Variants in TPTE observed in about 807,000 individuals in gnomAD.
TPTE encodes putative tyrosine-protein phosphatase TPTE.
Under a neutral mutation model 84.1 loss-of-function variants are expected in TPTE, and 59 were observed. The observed-to-expected ratio is 0.70, with a 90% CI of 0.57 to 0.87. The LOEUF is 0.87. Among genes scored for constraint, TPTE ranks in the 40% least tolerant of loss-of-function variants. The pLI is 0.00. For synonymous variants in TPTE, 130 were observed against 223.5 expected (o/e 0.58, Z 3.73); for missense variants, 382 against 659.6 (o/e 0.58, Z 4.61).
At chr21:10,556,081 T>C (rs1049152963) in intron 8 of TPTE, among the ~76,000 whole-genome samples, 2 of 152,300 alleles carry the variant, frequency 1.3e-5, no homozygotes, top group Non-Finnish European at 2.9e-5. Flanking sequence ...CTAGGGTGCA[T>C]GTGCACAATG....
intron 7 of TPTE, among the ~76,000 whole-genome samples, chr21:10,544,693 C>T (rs2074433639): frequency 6.6e-6 from 1 of 152,308 alleles, no homozygotes; most frequent in Non-Finnish European, 1.5e-5. Flanking sequence ...GGAGGCCCTG[C>T]ATTGGGTCTG....
chr21:10,542,321 G>T, intron 5 of TPTE, 74 bp from the exon 6 acceptor site: 1 of 1,561,922 alleles, frequency 6.4e-7, no homozygotes, highest in Non-Finnish European at 8.8e-7. Flanking sequence ...CTAGAGTAAT[G>T]AAAGGTAATT....
chr21:10,603,661 C>T (rs368294035), intron 23 of TPTE, 29 bp downstream of exon 23: 3,611 of 1,597,472 alleles, frequency 2.3e-3, no homozygotes, highest in Non-Finnish European at 2.2e-3. Context: ...CCCATAGAAA[C>T]AGCCTAATCT....
chr21:10,560,489 C>CTT (rs2074776476), intron 9 of TPTE, among the ~76,000 whole-genome samples: 1 of 152,312 alleles, frequency 6.6e-6, no homozygotes, highest in African/African-American at 2.4e-5. Context: ...CTTTAGAGTT[C>CTT]AAGACTCATG....
At chr21:10,603,510 A>G (rs747690922) in intron 22 of TPTE, 52 bp from the exon 23 acceptor site, 3 of 1,525,138 alleles carry the variant, frequency 2.0e-6, no homozygotes, top group Non-Finnish European at 2.7e-6. Flanking sequence ...ATTTCTTTGG[A>G]ATGATTAGTT....
chr21:10,527,597 C>T (rs539337844), intron 3 of TPTE, among the ~76,000 whole-genome samples, 185 bp downstream of exon 3: 33 of 152,410 alleles, frequency 2.2e-4, no homozygotes, highest in Admixed American at 2.2e-3. Flanking sequence ...AATTAGCAGC[C>T]AAAACCTTAG....
At chr21:10,577,568 A>G (rs1375577580) in intron 15 of TPTE, 48 bp downstream of exon 15, 3 of 1,613,058 alleles carry the variant, frequency 1.9e-6, no homozygotes, top group Non-Finnish European at 2.5e-6. Context: ...AAAACAGATT[A>G]CTGCACGTAA....
At chr21:10,545,741 A>G (rs1196997918) in intron 7 of TPTE, among the ~76,000 whole-genome samples, 1 of 151,814 alleles carries the variant, frequency 6.6e-6, no homozygotes, top group Non-Finnish European at 1.5e-5. Context: ...ATAAATATGT[A>G]TTTGTGTGTA....
intron 19 of TPTE, among the ~76,000 whole-genome samples, chr21:10,595,055 A>T (rs1322648073): frequency 9.8e-5 from 15 of 152,386 alleles, no homozygotes; most frequent in African/African-American, 3.6e-4. Flanking sequence ...TTTGTTTTTA[A>T]TTTTTGAGAC....
At chr21:10,538,254 C>T (rs1332713543) in intron 3 of TPTE, among the ~76,000 whole-genome samples, 1 of 152,312 alleles carries the variant, frequency 6.6e-6, no homozygotes, top group African/African-American at 2.4e-5. Context: ...GGATTGTGTG[C>T]TTGACTCAGA....
intron 23 of TPTE, among the ~76,000 whole-genome samples, chr21:10,604,008 C>T (rs1270236556): frequency 6.6e-6 from 1 of 152,310 alleles, no homozygotes; most frequent in African/African-American, 2.4e-5. Flanking sequence ...CCACCATCAA[C>T]TTTTGTGCTA....
At chr21:10,592,805 GGTGT>G (rs4041809) in intron 19 of TPTE, among the ~76,000 whole-genome samples, 15 of 148,850 alleles carry the variant, frequency 1.0e-4, no homozygotes, top group African/African-American at 2.2e-4. Context: ...GATGACTCCT[GGTGT>G]GTGTGTGTGT....
intron 4 of TPTE, chr21:10,540,672 G>A (rs1252513909): frequency 3.9e-6 from 2 of 519,088 alleles, no homozygotes; most frequent in Admixed American, 1.9e-5. Flanking sequence ...CACATGGGAT[G>A]GAGCCCTTGC....
intron 17 of TPTE, among the ~76,000 whole-genome samples, chr21:10,589,306 G>T (rs1181943254): frequency 1.3e-5 from 2 of 152,298 alleles, no homozygotes; most frequent in African/African-American, 2.4e-5. Context: ...GTTTTATATT[G>T]GGTGTGTGGT....
At chr21:10,535,595 C>A (rs1341906438) in intron 3 of TPTE, among the ~76,000 whole-genome samples, 2 of 152,308 alleles carry the variant, frequency 1.3e-5, no homozygotes, top group African/African-American at 4.8e-5. Flanking sequence ...AGTATCCAAT[C>A]CCTTAGGAAC....
intron 17 of TPTE, among the ~76,000 whole-genome samples, chr21:10,580,353 G>T (rs367798569): frequency 6.6e-6 from 1 of 152,304 alleles, no homozygotes. Flanking sequence ...AAGCGTTTTA[G>T]TTTGATACAG....
intron 14 of TPTE, among the ~76,000 whole-genome samples, chr21:10,575,837 ACTC>A (rs1192728862): frequency 2.0e-5 from 3 of 152,364 alleles, no homozygotes; most frequent in Admixed American, 6.5e-5. Context: ...AAAAAAAAAA[ACTC>A]AACATCACTG....
At chr21:10,555,556 T>C (rs1413643195) in intron 8 of TPTE, among the ~76,000 whole-genome samples, 3 of 152,286 alleles carry the variant, frequency 2.0e-5, no homozygotes, top group Admixed American at 1.3e-4. Context: ...TTGTCTCTCA[T>C]GTATAGCATG....
At chr21:10,593,374 A>G (rs1401108418) in intron 19 of TPTE, among the ~76,000 whole-genome samples, 24 of 152,394 alleles carry the variant, frequency 1.6e-4, no homozygotes, top group African/African-American at 5.8e-4. Flanking sequence ...TTGTCTTAAA[A>G]TCTTTGAAAA....
Sources: allele counts gnomAD v4.1 joint callset (sites outside exome capture counted in the v4.1 genomes callset), GRCh38; gene constraint gnomAD v4.1.1; transcripts MANE v1.5; gene names NCBI Gene and HGNC (gene_info 2026-07-23, HGNC 2026-07-21).